CAT: variants seen among roughly 807,000 people sequenced by gnomAD.
CAT encodes catalase.
CAT carries 43 observed loss-of-function variants against 59.0 expected under a neutral mutation model. That is an observed-to-expected ratio of 0.73 (90% CI 0.57 to 0.94). CAT has a LOEUF of 0.94. Among genes scored for constraint, CAT ranks in the 40% least tolerant of loss-of-function variants. The probability of loss-of-function intolerance (pLI) is 0.00; values close to 1 mark genes in which losing one functional copy is unlikely to be tolerated. For synonymous variants in CAT, 218 were observed against 230.9 expected (o/e 0.94, Z 0.51); for missense variants, 664 against 682.9 (o/e 0.97, Z 0.31).
Position 34,464,251 on chromosome 11 carries a change from T to C in CAT, c.1326+16T>C. 6.2e-7 allele frequency: 1 copy of C among 1,612,894 alleles called. No individual in the cohort carries two copies. The highest frequency in any genetic ancestry group is 8.5e-7 in the Non-Finnish European group (1 of 1,178,862). On this transcript the variant is annotated intron_variant, in intron 10 of 12. Coordinates refer to ENST00000241052, the MANE Select transcript of CAT (RefSeq NM_001752.4). ...CGTTACTCAGGTAATGACTTCTCTT[T>C]ATCTGCTATGGAAGTCACCTGCTAA...
Position 34,450,361 on chromosome 11 carries a change from G to A in CAT, c.239-627G>A, listed in dbSNP as rs139241341. On this transcript the variant is annotated intron_variant, in intron 2 of 12. Transcript: ENST00000241052. ...CAATTTCTGTAAAACTTTCTTTATCGCTGTTATATCAGACACAAAAGATGG... is the reference window on the plus strand; with the variant it reads ...CAATTTCTGTAAAACTTTCTTTATCACTGTTATATCAGACACAAAAGATGG... Among the ~76,000 whole-genome samples the A allele has an allele frequency of 2.7e-3, 404 of 152,064 alleles. 3 individuals carry two copies. Among genetic ancestry groups the A allele is most frequent in the Non-Finnish European group, 4.5e-3 (306 of 67,976 alleles).
chr11:34,443,946 G>C (rs1174469603), intron 1 of CAT, among the ~76,000 whole-genome samples: 2 of 152,154 alleles, frequency 1.3e-5, no homozygotes, highest in African/African-American at 4.8e-5. Flanking sequence ...AAGTCATTAT[G>C]TGCAGTGGGA....
chr11:34,455,084 A>G (rs990417651), intron 6 of CAT, among the ~76,000 whole-genome samples: 4 of 152,218 alleles, frequency 2.6e-5, no homozygotes, highest in Non-Finnish European at 2.9e-5. Context: ...TTCAGTTAAA[A>G]TCAGAAAGGT....
At chr11:34,442,653 G>A (rs1856405182) in intron 1 of CAT, among the ~76,000 whole-genome samples, 1 of 152,194 alleles carries the variant, frequency 6.6e-6, no homozygotes, top group South Asian at 2.1e-4. Context: ...GGCCCAAAGT[G>A]GTTTGAGGTT....
At chr11:34,448,584 C>G (rs1022143212) in intron 1 of CAT, among the ~76,000 whole-genome samples, 2 of 152,044 alleles carry the variant, frequency 1.3e-5, no homozygotes, top group Non-Finnish European at 2.9e-5. Flanking sequence ...GAGACATTTG[C>G]TATCTTTAAA....
At chr11:34,454,819 T>C (rs1457737452) in intron 6 of CAT, among the ~76,000 whole-genome samples, 2 of 152,230 alleles carry the variant, frequency 1.3e-5, no homozygotes, top group Non-Finnish European at 2.9e-5. Flanking sequence ...TTGGTAGCCT[T>C]GGAGTTATGC....
chr11:34,440,749 G>A (rs1856379562), intron 1 of CAT, among the ~76,000 whole-genome samples: 1 of 151,986 alleles, frequency 6.6e-6, no homozygotes, highest in South Asian at 2.1e-4. Flanking sequence ...TTTTAGTAGA[G>A]ATGGGGTTTC....
At chr11:34,469,832 ATT>A (rs1856755878) in intron 11 of CAT, among the ~76,000 whole-genome samples, 1 of 151,746 alleles carries the variant, frequency 6.6e-6, no homozygotes, top group South Asian at 2.1e-4. Context: ...TGCCCGACTA[ATT>A]TTTGTGTTTT....
intron 12 of CAT, 27 bp from the exon 13 acceptor site, chr11:34,471,341 C>G: frequency 6.3e-7 from 1 of 1,594,738 alleles, no homozygotes; most frequent in Admixed American, 1.7e-5. Context: ...AGGTGATTAA[C>G]CTGCTCATCT....
chr11:34,451,783 T>C (rs17881476), intron 3 of CAT, among the ~76,000 whole-genome samples: 2,652 of 152,354 alleles, frequency 0.017, 77 homozygotes, highest in African/African-American at 0.061. Context: ...TCTTCCCTTA[T>C]TTTAATTAAA....
intron 6 of CAT, among the ~76,000 whole-genome samples, 170 bp downstream of exon 6, chr11:34,454,096 C>A (rs755722836): frequency 6.6e-6 from 1 of 152,200 alleles, no homozygotes; most frequent in Non-Finnish European, 1.5e-5. Context: ...TGGCTACCAT[C>A]TGAGGACCTT....
rs1218639942 is a variant in CAT, at chr11:34,470,948, T to C, written c.1435-10T>C. The C allele has an allele frequency of 1.2e-6, 2 of 1,611,226 alleles. No homozygotes were observed. The highest frequency in any genetic ancestry group is 1.7e-5 in the Admixed American group (1 of 60,020). ...GAGTAATGCTTGCATTTATTTTCCT[T>C]TGGCCTTAGGTCAAGAACTTCACTG... On this transcript the variant is annotated splice_polypyrimidine_tract_variant and intron_variant, in intron 11 of 12. Coordinates refer to ENST00000241052, the MANE Select transcript of CAT (RefSeq NM_001752.4).
At chr11:34,465,320 C>T (rs1171694224) in intron 10 of CAT, among the ~76,000 whole-genome samples, 6 of 152,032 alleles carry the variant, frequency 3.9e-5, no homozygotes, top group Non-Finnish European at 7.4e-5. Context: ...AAAGCATTTA[C>T]GTATATACAT....
intron 11 of CAT, among the ~76,000 whole-genome samples, chr11:34,470,009 A>C (rs1241455747): frequency 6.6e-6 from 1 of 152,044 alleles, no homozygotes; most frequent in Non-Finnish European, 1.5e-5. Flanking sequence ...CAATTCTGTA[A>C]TTCTTTGACA....
intron 6 of CAT, among the ~76,000 whole-genome samples, chr11:34,455,465 G>T (rs1039518032): frequency 1.3e-5 from 2 of 150,904 alleles, no homozygotes; most frequent in Non-Finnish European, 2.9e-5. Flanking sequence ...CATAGTCAGA[G>T]AACTAGTTCC....
chr11:34,444,871 C>T (rs1419761774), intron 1 of CAT, among the ~76,000 whole-genome samples: 2 of 152,172 alleles, frequency 1.3e-5, no homozygotes, highest in Non-Finnish European at 2.9e-5. Context: ...TACTTTAAGT[C>T]CCTACTTCTA....
intron 9 of CAT, among the ~76,000 whole-genome samples, chr11:34,463,332 G>A (rs1453379828): frequency 6.6e-6 from 1 of 152,190 alleles, no homozygotes; most frequent in Non-Finnish European, 1.5e-5. Flanking sequence ...AGATAAGTAA[G>A]TGCTGATATA....
At position 34,464,376 on chromosome 11, in the gene CAT, A is replaced by G. The variant is rs974996635; in HGVS notation, c.1326+141A>G. 4.4e-6 allele frequency: 4 copies of G among 915,730 alleles called. No homozygotes were observed. In the African/African-American group the frequency reaches 6.5e-5, roughly 15 times the overall value. 56.7% of individuals were successfully genotyped at this position (915,730 alleles called of 1,614,324 possible). A position where few individuals can be genotyped will look rare whatever the true frequency, so the allele number is the denominator to read the frequency against. The stretch of plus-strand genomic sequence containing the variant: ...CAAGGAAGACTCATCTGTAATAGTA[A>G]ATTGGGCCCCTTACTGGGTGGAGTT... On this transcript the variant is annotated intron_variant, in intron 10 of 12. Coordinates refer to ENST00000241052, the MANE Select transcript of CAT (RefSeq NM_001752.4).
At chr11:34,466,552 C>A (rs959991995) in intron 10 of CAT, among the ~76,000 whole-genome samples, 1 of 151,654 alleles carries the variant, frequency 6.6e-6, no homozygotes, top group African/African-American at 2.4e-5. Flanking sequence ...CTGAGGTGGG[C>A]GGATCACGAG....
Sources: gnomAD v4.1 joint callset for allele counts (sites outside exome capture counted in the v4.1 genomes callset) on GRCh38, gnomAD v4.1.1 for gene constraint, MANE v1.5 for transcripts, NCBI Gene and HGNC (gene_info 2026-07-23, HGNC 2026-07-21) for gene names.